Variants in ANK1 observed in about 807,000 individuals in gnomAD.
ANK1 encodes the protein ankyrin 1, also known as ankyrin-1.
Under a neutral mutation model 210.4 loss-of-function variants are expected in ANK1, and 51 were observed. The observed-to-expected ratio is 0.24, with a 90% CI of 0.19 to 0.31. The LOEUF (loss-of-function observed/expected upper bound fraction) is 0.31, where lower values mean the gene tolerates loss of function less well. Among genes scored for constraint, ANK1 ranks in the 10% least tolerant of loss-of-function variants. The pLI is 1.00. For missense variants in ANK1, 2,051 were observed against 2,504.4 expected (o/e 0.82, Z 3.86); for synonymous variants, 967 against 1,025.9 (o/e 0.94, Z 1.10).
At chr8:41,756,644 C>T (rs373343836) in intron 2 of ANK1, among the ~76,000 whole-genome samples, 18 of 152,084 alleles carry the variant, frequency 1.2e-4, no homozygotes, top group East Asian at 5.8e-4. Flanking sequence ...GGTTTCTCCA[C>T]GATGGCCAGG....
intron 2 of ANK1, among the ~76,000 whole-genome samples, 163 bp from the exon 3 acceptor site, chr8:41,734,232 C>T (rs994890384): frequency 6.6e-6 from 1 of 152,210 alleles, no homozygotes; most frequent in African/African-American, 2.4e-5. Flanking sequence ...GCAGGGCCAC[C>T]CAGCCTCCCC....
chr8:41,664,816 C>A, intron 39 of ANK1: 1 of 1,607,286 alleles, frequency 6.2e-7, no homozygotes, highest in Non-Finnish European at 8.5e-7. Context: ...TTCAGGAAGA[C>A]CCGCCGCCGG....
intron 1 of ANK1, among the ~76,000 whole-genome samples, chr8:41,763,866 CTTCT>C (rs149093560): frequency 8.6e-6 from 1 of 116,716 alleles, no homozygotes; most frequent in Non-Finnish European, 1.8e-5. Context: ...TTCTTTCTTT[CTTCT>C]TTCTTTTTTT....
At chr8:41,839,564 G>C (rs76505392) in intron 1 of ANK1, among the ~76,000 whole-genome samples, 2 of 152,166 alleles carry the variant, frequency 1.3e-5, no homozygotes, top group African/African-American at 4.8e-5. Flanking sequence ...GGCACATATC[G>C]GTGGGATAAA....
intron 39 of ANK1, chr8:41,665,550 G>C: frequency 3.1e-6 from 1 of 320,748 alleles, no homozygotes; most frequent in East Asian, 8.5e-5. Context: ...AAATAATACA[G>C]TCCGAGAAAG....
chr8:41,668,222 A>T (rs1811164559), intron 39 of ANK1, 45 bp downstream of exon 39: 1 of 1,613,322 alleles, frequency 6.2e-7, no homozygotes, highest in African/African-American at 1.3e-5. Flanking sequence ...GCCCCTTCCG[A>T]TGCTGGGAAG....
Position 41,694,815 on chromosome 8 carries a change from C to A in ANK1, c.3116-12G>T, listed in dbSNP as rs372974429. 26 of 1,613,422 alleles carry A rather than the reference C, an allele frequency of 1.6e-5. No homozygotes were observed. Among genetic ancestry groups the A allele is most frequent in the African/African-American group, 1.2e-4 (9 of 74,914 alleles). Reference sequence around the variant, plus strand: ...CAGGCTCCCCAGCTCTGGAATCACACACACAGGCCACCACCCCGGTCACAT... The same window carrying A: ...CAGGCTCCCCAGCTCTGGAATCACAAACACAGGCCACCACCCCGGTCACAT... On this transcript the variant is annotated splice_polypyrimidine_tract_variant and intron_variant, in intron 27 of 42. Transcript: ENST00000289734. This position sits in a 1 kb window ranked among gnomAD's most constrained non-coding sequence, Gnocchi z 5.7.
In ANK1 at chr8:41,715,746, C is replaced by G. The variant is rs377644428; in HGVS notation, c.1508G>C (p.Gly503Ala). The change falls in exon 14 of 43, where the codon GGG becomes GCG. Residue 503 changes from glycine to alanine, a missense_variant. Coordinates refer to ENST00000289734, the MANE Select transcript of ANK1 (RefSeq NM_000037.4). ...NANPNLATTA[G>A]HTPLHIAARE... ...GGCTGCAATGTGCAGGGGGGTGTGC[C>G]CGGCGGTGGTGGCCAGGTTGGGGTT... The G allele has an allele frequency of 1.7e-5, 27 of 1,613,974 alleles. No homozygotes were observed. The African/African-American group carries it at 3.5e-4, about 21-fold the overall frequency.
chr8:41,825,702 C>T (rs1382229503), intron 1 of ANK1, among the ~76,000 whole-genome samples: 1 of 152,178 alleles, frequency 6.6e-6, no homozygotes, highest in African/African-American at 2.4e-5. Flanking sequence ...ATTGTAGTTC[C>T]CATAATTCCC....
rs535288828 is a variant in ANK1, at chr8:41,822,819, T to C, written c.127-64682A>G. On this transcript the variant is annotated intron_variant, in intron 1 of 42. Transcript: ENST00000265709. ...TGGTCACATGGTCAAGAGCCAGCAG[T>C]AAGGCTGGATTTGCACCCCTGTACG... 3.1e-3 allele frequency among the ~76,000 whole-genome samples: 475 copies of C among 152,296 alleles called. 1 individual carries two copies. Among genetic ancestry groups the C allele is most frequent in the Non-Finnish European group, 5.2e-3 (357 of 68,022 alleles).
intron 1 of ANK1, among the ~76,000 whole-genome samples, chr8:41,775,882 A>G (rs1035067089): frequency 1.3e-5 from 2 of 152,192 alleles, no homozygotes; most frequent in African/African-American, 2.4e-5. Flanking sequence ...GTGAGACCTT[A>G]TTTCTAATAA....
intron 2 of ANK1, among the ~76,000 whole-genome samples, chr8:41,753,184 C>T (rs567226281): frequency 6.6e-6 from 1 of 151,620 alleles, no homozygotes; most frequent in Non-Finnish European, 1.5e-5. Context: ...TGCATCTCAG[C>T]TTCCCAAGTA....
At chr8:41,839,762 A>T (rs1808497252) in intron 1 of ANK1, among the ~76,000 whole-genome samples, 1 of 152,194 alleles carries the variant, frequency 6.6e-6, no homozygotes. Context: ...TCACAGCCAA[A>T]AGGAACCTAA....
At chr8:41,698,404 C>T (rs150269084) in intron 23 of ANK1, among the ~76,000 whole-genome samples, 5 of 152,288 alleles carry the variant, frequency 3.3e-5, no homozygotes, top group Non-Finnish European at 4.4e-5. Flanking sequence ...GTGTGCATTT[C>T]GATCCCACCA....
chr8:41,789,673 G>A (rs1179023577), intron 1 of ANK1, among the ~76,000 whole-genome samples: 4 of 152,206 alleles, frequency 2.6e-5, no homozygotes, highest in Non-Finnish European at 5.9e-5. Flanking sequence ...GACCAGTATG[G>A]TGAAGAGTGT....
intron 1 of ANK1, among the ~76,000 whole-genome samples, chr8:41,794,367 C>T (rs567131682): frequency 5.9e-5 from 9 of 152,148 alleles, no homozygotes; most frequent in African/African-American, 2.2e-4. Context: ...GTGCTGTTTC[C>T]TCTGGAGTTT....
intron 2 of ANK1, among the ~76,000 whole-genome samples, chr8:41,757,350 C>T (rs1839392618): frequency 6.6e-6 from 1 of 152,192 alleles, no homozygotes; most frequent in African/African-American, 2.4e-5. Context: ...CAAAACCTGT[C>T]ACCAATCCAC....
intron 26 of ANK1, 81 bp downstream of exon 26, chr8:41,696,282 T>C: frequency 6.7e-7 from 1 of 1,502,812 alleles, no homozygotes; most frequent in South Asian, 1.1e-5. Flanking sequence ...CAGTTCTGTT[T>C]CCCCATCAGG....
intron 1 of ANK1, among the ~76,000 whole-genome samples, chr8:41,887,014 G>A (rs1221541078): frequency 1.3e-5 from 2 of 152,072 alleles, no homozygotes. Flanking sequence ...TCCACTTTGA[G>A]CCAGTACATT....
Sources: gnomAD v4.1 joint callset for allele counts (sites outside exome capture counted in the v4.1 genomes callset) on GRCh38, gnomAD v4.1.1 for gene constraint, Gnocchi (gnomAD v3.1) non-coding constraint, MANE v1.5 for transcripts, NCBI Gene and HGNC (gene_info 2026-07-23, HGNC 2026-07-21) for gene names.